The following SORBS2 variants were observed in gnomAD, a reference collection of about 807,000 sequenced individuals.
SORBS2 encodes sorbin and SH3 domain-containing protein 2.
SORBS2 carries 46 observed loss-of-function variants against 97.7 expected under a neutral mutation model. That is an observed-to-expected ratio of 0.47 (90% CI 0.37 to 0.60). The LOEUF is 0.60. Ranked by LOEUF, SORBS2 falls within the 20% of genes least tolerant of loss-of-function variation. The pLI, the probability that SORBS2 is intolerant of heterozygous loss-of-function variation, is 0.00. For missense variants in SORBS2, 1,316 were observed against 1,282.3 expected, an observed-to-expected ratio of 1.03 and a Z score of -0.40; for synonymous variants, 476 against 473.4, an observed-to-expected ratio of 1.01 and a Z score of -0.07.
At position 185,651,829 on chromosome 4, in the gene SORBS2, C is replaced by A. The variant is rs1392086665; in HGVS notation, c.91+833G>T. The A allele has an allele frequency of 3.5e-6, 5 of 1,417,462 alleles. No individual in the cohort carries two copies. The highest frequency in any genetic ancestry group is 5.0e-6 in the Non-Finnish European group (5 of 1,005,454). The allele number at this position is 1,417,462 out of a possible 1,614,324, so 87.8% of individuals were successfully genotyped here. A position where few individuals can be genotyped will look rare whatever the true frequency, so the allele number is the denominator to read the frequency against. Reference sequence around the variant, plus strand: ...GTATTATACATGTCTGTGTCATCATCTAGAAAATGAAACATAAATATTATG... The same window carrying A: ...GTATTATACATGTCTGTGTCATCATATAGAAAATGAAACATAAATATTATG... On this transcript the variant is annotated intron_variant, in intron 2 of 14. Coordinates refer to ENST00000418609, the Ensembl canonical transcript of SORBS2.
intron 2 of SORBS2, among the ~76,000 whole-genome samples, chr4:185,698,332 C>A (rs574290966): frequency 2.4e-4 from 36 of 152,176 alleles, no homozygotes; most frequent in African/African-American, 8.4e-4. Flanking sequence ...AAAAATTAGC[C>A]GGGCATGGTG....
At chr4:185,877,381 A>G (rs1352100217) in intron 1 of SORBS2, among the ~76,000 whole-genome samples, 1 of 152,246 alleles carries the variant, frequency 6.6e-6, no homozygotes, top group Admixed American at 6.5e-5. Context: ...GCAGTTATGT[A>G]ACAATTCAAA....
chr4:185,680,996 A>G (rs1215344822), intron 2 of SORBS2, among the ~76,000 whole-genome samples: 1 of 152,138 alleles, frequency 6.6e-6, no homozygotes. Flanking sequence ...AACATTAGAC[A>G]GTAAGAGGGG....
chr4:185,630,814 G>T (rs1462517867), intron 4 of SORBS2, among the ~76,000 whole-genome samples: 1 of 152,140 alleles, frequency 6.6e-6, no homozygotes, highest in Non-Finnish European at 1.5e-5. Context: ...ATAATGCATT[G>T]CAGTTCTCTG....
At chr4:185,612,505 T>G (rs2153405281) in intron 11 of SORBS2, among the ~76,000 whole-genome samples, 1 of 151,352 alleles carries the variant, frequency 6.6e-6, no homozygotes, top group Non-Finnish European at 1.5e-5. Context: ...TTTTTTTTTT[T>G]TTGAGAGGGA....
intron 1 of SORBS2, among the ~76,000 whole-genome samples, chr4:185,955,978 A>C (rs924389379): frequency 2.6e-5 from 4 of 152,106 alleles, no homozygotes; most frequent in Non-Finnish European, 5.9e-5. Flanking sequence ...AATCCATCCT[A>C]ATAAAAGCTC....
chr4:185,706,768 A>G (rs977834279), intron 2 of SORBS2, among the ~76,000 whole-genome samples: 33 of 152,150 alleles, frequency 2.2e-4, no homozygotes, highest in African/African-American at 8.0e-4. Context: ...AGTTGTTTTA[A>G]TCTTTATAAT....
intron 1 of SORBS2, among the ~76,000 whole-genome samples, chr4:185,943,099 A>C (rs1363238000): frequency 6.6e-6 from 1 of 152,250 alleles, no homozygotes; most frequent in Non-Finnish European, 1.5e-5. Context: ...TTTCCTGATG[A>C]AACAGATTTG....
At chr4:185,649,105 C>T (rs548945853) in intron 3 of SORBS2, among the ~76,000 whole-genome samples, 1 of 152,258 alleles carries the variant, frequency 6.6e-6, no homozygotes, top group African/African-American at 2.4e-5. Flanking sequence ...AAAAATGTCT[C>T]TTATTAATAG....
intron 2 of SORBS2, among the ~76,000 whole-genome samples, chr4:185,767,704 C>G (rs1446711595): frequency 6.6e-6 from 1 of 152,030 alleles, no homozygotes; most frequent in Non-Finnish European, 1.5e-5. Flanking sequence ...GTCTCTGCAC[C>G]AATTGGTCTC....
intron 1 of SORBS2, among the ~76,000 whole-genome samples, chr4:185,777,920 C>G (rs2099007842): frequency 6.6e-6 from 1 of 152,072 alleles, no homozygotes; most frequent in African/African-American, 2.4e-5. Flanking sequence ...CCTTGTACCC[C>G]ACAAATTTGT....
intron 2 of SORBS2, among the ~76,000 whole-genome samples, chr4:185,743,009 G>A (rs984614368): frequency 1.3e-5 from 2 of 152,206 alleles, no homozygotes; most frequent in South Asian, 2.1e-4. Flanking sequence ...TTTGGACGTG[G>A]TGGCGACCAG....
At chr4:185,696,890 T>C (rs1392485675) in intron 2 of SORBS2, among the ~76,000 whole-genome samples, 4 of 152,262 alleles carry the variant, frequency 2.6e-5, no homozygotes, top group African/African-American at 9.6e-5. Flanking sequence ...TTCCATTGGC[T>C]TATAATGTGC....
rs553906641 is a variant in SORBS2, at chr4:185,805,018, CA to C, written c.-337-29653del. Among the ~76,000 whole-genome samples the C allele has an allele frequency of 1.1e-3, 164 of 151,922 alleles. 1 individual carries two copies. The highest frequency in any genetic ancestry group is 1.7e-3 in the South Asian group (8 of 4,820). On this transcript the variant is annotated intron_variant, in intron 1 of 20. Coordinates refer to the SORBS2 transcript ENST00000284776. ...TTCTTTCTTATTCTTTTTTATTTTA[CA>C]AAAGAAAATTTTAACTCTTTAGGTT...
chr4:185,786,999 C>T (rs1022754930), intron 1 of SORBS2, among the ~76,000 whole-genome samples: 3 of 127,394 alleles, frequency 2.4e-5, no homozygotes, highest in Non-Finnish European at 3.2e-5. Flanking sequence ...AAAAAAATAG[C>T]AGACAACCCC....
chr4:185,924,339 A>C (rs1225013763), intron 1 of SORBS2, among the ~76,000 whole-genome samples: 3 of 152,198 alleles, frequency 2.0e-5, no homozygotes, highest in African/African-American at 7.2e-5. Context: ...TGGGGCCAGA[A>C]ACCTCACTTC....
At chr4:185,812,932 T>G (rs942815372) in intron 1 of SORBS2, 2 of 152,366 alleles carry the variant, frequency 1.3e-5, no homozygotes, top group East Asian at 3.9e-4. Flanking sequence ...AAAAATTCTT[T>G]GACTTTAAAC....
intron 1 of SORBS2, among the ~76,000 whole-genome samples, chr4:185,903,439 C>T (rs1175223477): frequency 3.3e-5 from 5 of 152,024 alleles, no homozygotes; most frequent in Non-Finnish European, 5.9e-5. Context: ...ATACATGAGG[C>T]CAGTAGGAAG....
intron 2 of SORBS2, among the ~76,000 whole-genome samples, chr4:185,706,791 C>T (rs35410654): frequency 0.12 from 18,682 of 152,138 alleles, 1,325 homozygotes; most frequent in African/African-American, 0.19. Context: ...TATAATGCTG[C>T]ATATAATTAC....
Sources: allele counts gnomAD v4.1 joint callset (sites outside exome capture counted in the v4.1 genomes callset), GRCh38; gene constraint gnomAD v4.1.1; transcripts MANE v1.5; gene names NCBI Gene and HGNC (gene_info 2026-07-23, HGNC 2026-07-21).